Variants in LTC4S observed in about 807,000 individuals in gnomAD.
LTC4S encodes LTC4 synthase.
In LTC4S, 18 loss-of-function variants were observed where a neutral mutation model predicts 19.6. The observed-to-expected ratio is 0.92, with a 90% CI of 0.64 to 1.36. The LOEUF is 1.36. Ranked by LOEUF, LTC4S falls within the 40% of genes most tolerant of loss-of-function variation. The probability of loss-of-function intolerance (pLI) is 0.00; values close to 1 mark genes in which losing one functional copy is unlikely to be tolerated. For synonymous variants in LTC4S, 126 were observed against 110.1 expected (o/e 1.14, Z -0.91); for missense variants, 235 against 212.2 (o/e 1.11, Z -0.67).
Position 179,796,284 on chromosome 5 carries a change from C to A in LTC4S, c.343C>A (p.Leu115Ile). Residue 115 changes from leucine to isoleucine, a missense_variant, in exon 5 of 5, where the codon CTC (leucine) becomes ATC (isoleucine). By Grantham distance (5) the Leu-to-Ile change is conservative (BLOSUM62 2). Coordinates refer to ENST00000292596, the MANE Select transcript of LTC4S (RefSeq NM_145867.2). Reference sequence around the variant, plus strand: ...ACCGCTGTACGCGAGCGCGCGCGCCCTCTGGCTGCTGGTGGCGCTGGCTGC... The same window carrying A: ...ACCGCTGTACGCGAGCGCGCGCGCCATCTGGCTGCTGGTGGCGCTGGCTGC... ...LAPLYASARA[L>I]WLLVALAALG... The A allele has an allele frequency of 3.4e-6, 5 of 1,471,676 alleles. No homozygotes were observed. The South Asian group carries it at 6.4e-5, about 19-fold the overall frequency. 91.2% of individuals were successfully genotyped at this position (1,471,676 alleles called of 1,614,324 possible). A position where few individuals can be genotyped will look rare whatever the true frequency, so the allele number is the denominator to read the frequency against.
At chr5:179,795,413 G>A in intron 1 of LTC4S, 171 bp from the exon 2 acceptor site, 2 of 1,468,880 alleles carry the variant, frequency 1.4e-6, no homozygotes, top group Non-Finnish European at 1.8e-6. Flanking sequence ...ACACAGGGCA[G>A]GCCAGGGATG....
chr5:179,796,042 CG>C lies in LTC4S; in HGVS notation c.311+24del. The C allele has an allele frequency of 1.0e-6, 1 of 999,684 alleles. No individual in the cohort carries two copies. Among genetic ancestry groups the C allele is most frequent in the Admixed American group, 2.7e-5 (1 of 37,178 alleles). 61.9% of individuals were successfully genotyped at this position (999,684 alleles called of 1,614,324 possible). ...GCTCAGGTGAGGGCCGGGCGGGGAG[CG>C]GGGCGGGGCCGGGGAAAGATCGCGG... is the stretch of plus-strand genomic sequence containing the variant. On this transcript the variant is annotated intron_variant, in intron 4 of 4. Transcript: ENST00000292596.
chr5:179,795,829 T>C lies in LTC4S; in HGVS notation c.202T>C (p.Trp68Arg). 1 of 1,606,442 alleles carries C rather than the reference T, an allele frequency of 6.2e-7. No individual in the cohort carries two copies. Among genetic ancestry groups the C allele is most frequent in the Non-Finnish European group, 8.5e-7 (1 of 1,178,078 alleles). Residue 68 changes from tryptophan to arginine, a missense_variant, in exon 3 of 5, where the codon TGG (tryptophan) becomes CGG (arginine). Coordinates refer to ENST00000292596, the MANE Select transcript of LTC4S (RefSeq NM_145867.2). ...CTTCCCGCTGTTCCTCGCCACGCTCTGGGTCGCCGGCATCTTCTTTCATGA... is the reference window on the plus strand; with the variant it reads ...CTTCCCGCTGTTCCTCGCCACGCTCCGGGTCGCCGGCATCTTCTTTCATGA... ...EYFPLFLATL[W>R]VAGIFFHEGA... is the part of the protein sequence containing the mutation.
In LTC4S at chr5:179,794,000, C is replaced by CCGTCTG; in HGVS notation, c.-77_-76insTGCGTC. The CCGTCTG allele has an allele frequency of 6.2e-7, 1 of 1,607,124 alleles. No individual in the cohort carries two copies. Among genetic ancestry groups the CCGTCTG allele is most frequent in the Non-Finnish European group, 8.5e-7 (1 of 1,176,796 alleles). On this transcript the variant is annotated 5_prime_UTR_variant, in exon 1 of 5. Coordinates refer to ENST00000292596, the MANE Select transcript of LTC4S (RefSeq NM_145867.2). ...CCGAGGCTGCTCTTCCTCTCCTGGG[C>CCGTCTG]CGTCCTCTGAGCAGCAGACGGGGCT...
intron 1 of LTC4S, 60 bp downstream of exon 1, chr5:179,794,198 C>T (rs1756542392): frequency 1.9e-6 from 3 of 1,601,042 alleles, no homozygotes; most frequent in Admixed American, 1.7e-5. Flanking sequence ...TTGCCCTCTG[C>T]CCCCTAGGCC....
In LTC4S at chr5:179,796,622, TGA is replaced by T. The variant is rs979768688; in HGVS notation, c.*232_*233del. The T allele has an allele frequency of 3.5e-5, 18 of 520,520 alleles. No homozygotes were observed. The highest frequency in any genetic ancestry group is 3.4e-4 in the African/African-American group (17 of 49,486). The allele number at this position is 520,520 out of a possible 1,614,324, so 32.2% of individuals were successfully genotyped here. A position where few individuals can be genotyped will look rare whatever the true frequency, so the allele number is the denominator to read the frequency against. ...CGGGGCGGGCTTCCTAGTGGCGGCGTGAGAGTGGCTGCGAAGGAACGAGCCCT... is the reference window on the plus strand; with the variant it reads ...CGGGGCGGGCTTCCTAGTGGCGGCGTGAGTGGCTGCGAAGGAACGAGCCCT... On this transcript the variant is annotated 3_prime_UTR_variant, in exon 5 of 5. Transcript: ENST00000292596.
Position 179,796,502 on chromosome 5 carries a change from A to G in LTC4S, c.*108A>G, listed in dbSNP as rs1756634963. 3 of 1,335,684 alleles carry G rather than the reference A, an allele frequency of 2.2e-6. No homozygotes were observed. The African/African-American group carries it at 4.7e-5, about 21-fold the overall frequency. 82.7% of individuals were successfully genotyped at this position (1,335,684 alleles called of 1,614,324 possible). A position where few individuals can be genotyped will look rare whatever the true frequency, so the allele number is the denominator to read the frequency against. ...TCCTAGTCTCTATCATTAAAGTTCT[A>G]GTGACCGAGACCCGGGCTGCGTTCT... On this transcript the variant is annotated 3_prime_UTR_variant, in exon 5 of 5. Coordinates refer to ENST00000292596, the MANE Select transcript of LTC4S (RefSeq NM_145867.2).
At chr5:179,796,112 C>A (rs906508088) in intron 4 of LTC4S, 90 bp downstream of exon 4, 9 of 1,308,400 alleles carry the variant, frequency 6.9e-6, no homozygotes, top group Non-Finnish European at 9.0e-6. Flanking sequence ...TGGGGGCGGG[C>A]GACGGGCCGG....
chr5:179,795,027 CTG>C (rs1486900590), intron 1 of LTC4S, among the ~76,000 whole-genome samples: 1 of 152,166 alleles, frequency 6.6e-6, no homozygotes, highest in East Asian at 1.9e-4. Context: ...AACAGAGAAA[CTG>C]AGGTTTGGAG....
chr5:179,795,822 C>T lies in LTC4S; in HGVS notation c.195C>T (p.Ala65=). ...NCSEYFPLFL[A]TLWVAGIFFH... ...GCGAGTACTTCCCGCTGTTCCTCGC[C>T]ACGCTCTGGGTCGCCGGCATCTTCT... is the stretch of plus-strand genomic sequence containing the variant. Residue 65 remains alanine (A), a synonymous_variant, in exon 3 of 5, where the codon GCC becomes GCT. Coordinates refer to ENST00000292596, the MANE Select transcript of LTC4S (RefSeq NM_145867.2). 1 of 1,606,922 alleles carries T rather than the reference C, an allele frequency of 6.2e-7. No individual in the cohort carries two copies. Among genetic ancestry groups the T allele is most frequent in the Admixed American group, 1.7e-5 (1 of 59,748 alleles).
In LTC4S at chr5:179,796,007, G is replaced by A. The variant is rs781754364; in HGVS notation, c.296G>A (p.Arg99His). The change falls in exon 4 of 5, where the codon CGC (arginine) becomes CAC (histidine). Residue 99 changes from arginine (R) to histidine (H), a missense_variant. Arg to His is a conservative substitution (Grantham distance 29, BLOSUM62 0). Transcript: ENST00000292596. ...CTCCGCTACTTCCAGGGCTACGCGC[G>A]CTCCGCGCAGCTCAGGTGAGGGCCG... The part of the protein sequence containing the change: ...ARLRYFQGYA[R>H]SAQLRLAPLY... The A allele has an allele frequency of 6.5e-7, 1 of 1,531,538 alleles. No homozygotes were observed. The highest frequency in any genetic ancestry group is 8.7e-7 in the Non-Finnish European group (1 of 1,145,284). The allele number at this position is 1,531,538 out of a possible 1,614,324, so 94.9% of individuals were successfully genotyped here.
chr5:179,795,444 C>T (rs566385747), intron 1 of LTC4S, 140 bp from the exon 2 acceptor site: 38 of 1,069,716 alleles, frequency 3.6e-5, no homozygotes, highest in Middle Eastern at 2.7e-4. Context: ...GAGGTCTCCT[C>T]GGGCGGGGAG....
rs1581962812 is a variant in LTC4S, at chr5:179,794,195, C to T, written c.58+57C>T. The T allele has an allele frequency of 2.5e-6, 4 of 1,606,712 alleles. No homozygotes were observed. The East Asian group carries it at 6.7e-5, about 27-fold the overall frequency. On this transcript the variant is annotated intron_variant, in intron 1 of 4. Transcript: ENST00000292596. Reference sequence around the variant, plus strand: ...GCCTTAGATCCCTACAGCTTGCCCTCTGCCCCCTAGGCCCAGGTGGAGGGC... The same window carrying T: ...GCCTTAGATCCCTACAGCTTGCCCTTTGCCCCCTAGGCCCAGGTGGAGGGC...
chr5:179,794,410 G>A (rs1242408712), intron 1 of LTC4S, among the ~76,000 whole-genome samples: 1 of 152,136 alleles, frequency 6.6e-6, no homozygotes, highest in African/African-American at 2.4e-5. Flanking sequence ...GGGCGTCCCA[G>A]CAAGCGGCCC....
intron 2 of LTC4S, 41 bp downstream of exon 2, chr5:179,795,724 C>T: frequency 2.6e-6 from 4 of 1,564,908 alleles, no homozygotes; most frequent in Admixed American, 1.8e-5. Context: ...GAGCGAGCCC[C>T]AGGCGGGTCC....
In LTC4S at chr5:179,794,038, G is replaced by C. The variant is rs753153049; in HGVS notation, c.-43G>C. 6.2e-7 allele frequency: 1 copy of C among 1,613,130 alleles called. No individual in the cohort carries two copies. Among genetic ancestry groups the C allele is most frequent in the Non-Finnish European group, 8.5e-7 (1 of 1,179,784 alleles). On this transcript the variant is annotated 5_prime_UTR_variant, in exon 1 of 5. Coordinates refer to ENST00000292596, the MANE Select transcript of LTC4S (RefSeq NM_145867.2). ...AGCAGACGGGGCTAAGCGTTCCCCA[G>C]CTCGCCTTCACACACAGCCCGTGCC...
chr5:179,794,375 T>C (rs1756547478), intron 1 of LTC4S, among the ~76,000 whole-genome samples: 1 of 152,132 alleles, frequency 6.6e-6, no homozygotes. Flanking sequence ...AGCTGATCTC[T>C]GCTCTTTCCA....
Position 179,796,456 on chromosome 5 carries a change from G to T in LTC4S, c.*62G>T, listed in dbSNP as rs1756632381. ...GAGCCGGAGCCTCCAGCTGCCCCGG[G>T]GAGGGGCGCTCGCTTCCGCATCCTA... On this transcript the variant is annotated 3_prime_UTR_variant, in exon 5 of 5. Transcript: ENST00000292596. 1.4e-6 allele frequency: 2 copies of T among 1,425,218 alleles called. No homozygotes were observed. The highest frequency in any genetic ancestry group is 1.8e-6 in the Non-Finnish European group (2 of 1,095,116). 88.3% of individuals were successfully genotyped at this position (1,425,218 alleles called of 1,614,324 possible). A position where few individuals can be genotyped will look rare whatever the true frequency, so the allele number is the denominator to read the frequency against.
Position 179,796,279 on chromosome 5 carries a change from G to A in LTC4S, c.338G>A (p.Arg113His). ...LRLAPLYASA[R>H]ALWLLVALAA... ...CTGGCACCGCTGTACGCGAGCGCGCGCGCCCTCTGGCTGCTGGTGGCGCTG... is the reference window on the plus strand; with the variant it reads ...CTGGCACCGCTGTACGCGAGCGCGCACGCCCTCTGGCTGCTGGTGGCGCTG... The change falls in exon 5 of 5, where the codon CGC (arginine) becomes CAC (histidine). Residue 113 changes from arginine to histidine, a missense_variant. Coordinates refer to ENST00000292596, the MANE Select transcript of LTC4S (RefSeq NM_145867.2). The A allele has an allele frequency of 6.8e-7, 1 of 1,468,168 alleles. No individual in the cohort carries two copies. Among genetic ancestry groups the A allele is most frequent in the South Asian group, 1.3e-5 (1 of 77,276 alleles). 90.9% of individuals were successfully genotyped at this position (1,468,168 alleles called of 1,614,324 possible). A position where few individuals can be genotyped will look rare whatever the true frequency, so the allele number is the denominator to read the frequency against.
Sources: allele counts gnomAD v4.1 joint callset (sites outside exome capture counted in the v4.1 genomes callset), GRCh38; gene constraint gnomAD v4.1.1; transcripts MANE v1.5; gene names NCBI Gene and HGNC (gene_info 2026-07-23, HGNC 2026-07-21).